Variants in KDM6A observed in about 807,000 individuals in gnomAD.
KDM6A encodes lysine demethylase 6A, also known as lysine-specific demethylase 6A.
Under a neutral mutation model 117.6 loss-of-function variants are expected in KDM6A, and 11 were observed. The observed-to-expected ratio is 0.09, with a 90% CI of 0.06 to 0.15. The LOEUF (loss-of-function observed/expected upper bound fraction) is 0.15, where lower values mean the gene tolerates loss of function less well. Among genes scored for constraint, KDM6A ranks in the 10% least tolerant of loss-of-function variants. KDM6A has a pLI of 1.00. For missense variants in KDM6A, 799 were observed against 1,077.3 expected, an observed-to-expected ratio of 0.74 and a Z score of 3.62; for synonymous variants, 384 against 396.1, an observed-to-expected ratio of 0.97 and a Z score of 0.36.
In KDM6A at chrX:44,932,084, CTTTTTTTTTTTTTT is replaced by C. The variant is rs796121677; in HGVS notation, c.226-29185_226-29172del. The stretch of plus-strand genomic sequence containing the variant: ...GCTGGTCCTGATTGCTCTAGGTAGC[CTTTTTTTTTTTTTT>C]TTTTTTTTTTTTTTAAGATGGAGTC... On this transcript the variant is annotated intron_variant, in intron 2 of 29. Transcript: ENST00000611820. Among the ~76,000 whole-genome samples, 14 of 17,074 alleles carry C rather than the reference CTTTTTTTTTTTTTT, an allele frequency of 8.2e-4. No homozygotes were observed. In the Admixed American group the frequency reaches 9.7e-3, roughly 12 times the overall value. The allele number at this position is 17,074 out of a possible 115,157, so 14.8% of individuals were successfully genotyped here.
chrX:44,962,322 C>T (rs1242825243), intron 3 of KDM6A, among the ~76,000 whole-genome samples: 1 of 111,872 alleles, frequency 8.9e-6, no homozygotes, highest in Non-Finnish European at 1.9e-5. Context: ...AGGCTTATTT[C>T]TCAGCTTAGC....
chrX:45,008,424 A>G (rs2041607699), intron 4 of KDM6A, among the ~76,000 whole-genome samples: 1 of 111,670 alleles, frequency 9.0e-6, no homozygotes, highest in Non-Finnish European at 1.9e-5. Flanking sequence ...TTTCTATAGT[A>G]CGCTCACTCC....
intron 2 of KDM6A, among the ~76,000 whole-genome samples, chrX:44,922,026 GCCTTTTTTTTTTTTTTTTTTTTTTTTTT>G (rs1341317217): frequency 2.7e-4 from 1 of 3,709 alleles, no homozygotes; most frequent in Non-Finnish European, 4.9e-4. Context: ...CATTGTGTGT[GCCTTTTTTTTTTTTTTTTTTTTTTTTTT>G]TTTTTTTTTT....
intron 24 of KDM6A, 89 bp downstream of exon 24, chrX:45,083,697 A>G (rs2045519247): frequency 7.3e-6 from 6 of 823,708 alleles, no homozygotes; most frequent in South Asian, 2.2e-5. Flanking sequence ...CTTGTCATTT[A>G]TAATGAATAA....
intron 8 of KDM6A, among the ~76,000 whole-genome samples, chrX:45,040,911 G>A (rs1772820018): frequency 1.4e-5 from 1 of 73,835 alleles, no homozygotes; most frequent in African/African-American, 5.4e-5. Context: ...CGGCTGGCCG[G>A]GCAGAGGGGT....
chrX:44,887,228 G>A (rs1450287088), intron 2 of KDM6A, among the ~76,000 whole-genome samples: 2 of 111,120 alleles, frequency 1.8e-5, no homozygotes, highest in Non-Finnish European at 3.8e-5. Flanking sequence ...CCCAGAATAT[G>A]TTTATTTTTG....
At chrX:44,955,824 A>G (rs373528281) in intron 2 of KDM6A, among the ~76,000 whole-genome samples, 5 of 111,281 alleles carry the variant, frequency 4.5e-5, no homozygotes, top group African/African-American at 1.3e-4. Context: ...CTTATTTTTT[A>G]TTGTATAAAT....
intron 20 of KDM6A, 130 bp downstream of exon 20, chrX:45,078,635 A>ACTT (rs1491411567): frequency 2.0e-6 from 1 of 500,827 alleles, no homozygotes; most frequent in Non-Finnish European, 3.1e-6. Flanking sequence ...TTTTAATTTT[A>ACTT]CTTTTTTTTA....
chrX:45,032,642 G>A (rs1217206890), intron 6 of KDM6A, among the ~76,000 whole-genome samples: 2 of 111,332 alleles, frequency 1.8e-5, no homozygotes, highest in African/African-American at 6.5e-5. Flanking sequence ...GTAGAGATGG[G>A]GTTTCATGAT....
intron 4 of KDM6A, among the ~76,000 whole-genome samples, chrX:44,999,238 C>T (rs1460684633): frequency 8.9e-6 from 1 of 112,066 alleles, no homozygotes; most frequent in African/African-American, 3.2e-5. Flanking sequence ...TAATTCTCAG[C>T]AAAGCAAAGT....
chrX:44,979,475 C>A (rs921465361), intron 4 of KDM6A, among the ~76,000 whole-genome samples: 1 of 109,528 alleles, frequency 9.1e-6, no homozygotes, highest in African/African-American at 3.3e-5. Flanking sequence ...TCTTTATATA[C>A]TCTGGATAAA....
intron 3 of KDM6A, among the ~76,000 whole-genome samples, chrX:44,972,449 C>T (rs1353940638): frequency 4.5e-5 from 5 of 110,373 alleles, no homozygotes; most frequent in Admixed American, 9.7e-5. Flanking sequence ...TACCGTTTAT[C>T]TTTGGAAAGC....
chrX:44,913,963 G>A (rs1466008829), intron 2 of KDM6A, among the ~76,000 whole-genome samples: 2 of 111,122 alleles, frequency 1.8e-5, no homozygotes, highest in Non-Finnish European at 3.8e-5. Context: ...GTAGCCAATT[G>A]GGTAAAGTGT....
At chrX:44,908,537 G>A (rs1367690586) in intron 2 of KDM6A, among the ~76,000 whole-genome samples, 2 of 111,443 alleles carry the variant, frequency 1.8e-5, no homozygotes, top group South Asian at 3.7e-4. Flanking sequence ...CCTTCCCAGC[G>A]TGGCTCGTTT....
rs1337093992 is a variant in KDM6A, at chrX:45,112,110, TTA to T, written c.*701_*702del. On this transcript the variant is annotated 3_prime_UTR_variant, in exon 30 of 30. Transcript: ENST00000611820. The stretch of plus-strand genomic sequence containing the variant: ...GAAAATATTTGTGAATGGAATGCTG[TTA>T]TTTTTTCCAGATTTACCTGCCATTG... 6.1e-6 allele frequency: 1 copy of T among 164,551 alleles called. No individual in the cohort carries two copies. Among genetic ancestry groups the T allele is most frequent in the Non-Finnish European group, 1.2e-5 (1 of 85,642 alleles). The allele number at this position is 164,551 out of a possible 1,213,427, so 13.6% of individuals were successfully genotyped here.
At chrX:44,983,634 A>G (rs891561675) in intron 4 of KDM6A, among the ~76,000 whole-genome samples, 8 of 95,839 alleles carry the variant, frequency 8.3e-5, no homozygotes, top group Admixed American at 1.3e-4. Context: ...TCATTGTTCA[A>G]TTCCCACCTA....
chrX:44,982,853 T>G (rs2039980672), intron 4 of KDM6A, among the ~76,000 whole-genome samples: 1 of 111,763 alleles, frequency 8.9e-6, no homozygotes, highest in African/African-American at 3.3e-5. Flanking sequence ...GAAGAGAGAA[T>G]TTTTGTAACA....
At chrX:44,902,677 A>G (rs944367515) in intron 2 of KDM6A, among the ~76,000 whole-genome samples, 1 of 112,335 alleles carries the variant, frequency 8.9e-6, no homozygotes, top group African/African-American at 3.2e-5. Flanking sequence ...CGTGAGCCAC[A>G]GTGCCCGGCC....
chrX:44,899,004 G>GGTGTGTGTGTGTGTGTGTGTGT lies in KDM6A; in HGVS notation c.225+25030_225+25051dup, dbSNP rs745714866. On this transcript the variant is annotated intron_variant, in intron 2 of 29. Coordinates refer to ENST00000611820, the MANE Select transcript of KDM6A (RefSeq NM_001291415.2). ...AAACTGCGGAGGGAGGGAGAGGGAGGGTGTGTGTGTGTGTGTGTGTGTGTG... is the reference window on the plus strand; with the variant it reads ...AAACTGCGGAGGGAGGGAGAGGGAGGGTGTGTGTGTGTGTGTGTGTGTGTGTGTGTGTGTGTGTGTGTGTGTG... Among the ~76,000 whole-genome samples the GGTGTGTGTGTGTGTGTGTGTGT allele has an allele frequency of 1.4e-3, 115 of 79,644 alleles. 2 individuals are homozygous for GGTGTGTGTGTGTGTGTGTGTGT. The highest frequency in any genetic ancestry group is 6.0e-3 in the African/African-American group (95 of 15,894). The allele number at this position is 79,644 out of a possible 115,157, so 69.2% of individuals were successfully genotyped here. A position where few individuals can be genotyped will look rare whatever the true frequency, so the allele number is the denominator to read the frequency against.
Sources: allele counts gnomAD v4.1 joint callset (sites outside exome capture counted in the v4.1 genomes callset), GRCh38; gene constraint gnomAD v4.1.1; transcripts MANE v1.5; gene names NCBI Gene and HGNC (gene_info 2026-07-23, HGNC 2026-07-21).